ABR: variants seen among roughly 807,000 people sequenced by gnomAD.
ABR encodes the protein ABR activator of RhoGEF and GTPase, also known as active breakpoint cluster region-related protein.
A neutral mutation model predicts 107.2 loss-of-function variants in ABR; 35 were observed. The observed-to-expected ratio is 0.33, with a 90% CI of 0.25 to 0.43. The LOEUF (loss-of-function observed/expected upper bound fraction) is 0.43. Among genes scored for constraint, ABR ranks in the 20% least tolerant of loss-of-function variants. The pLI, the probability that ABR is intolerant of heterozygous loss-of-function variation, is 1.00. For missense variants in ABR, 815 were observed against 1,115.2 expected, an observed-to-expected ratio of 0.73 and a Z score of 3.83; for synonymous variants, 498 against 462.0, an observed-to-expected ratio of 1.08 and a Z score of -1.00.
chr17:1,069,353 A>G (rs2035023643), intron 9 of ABR, among the ~76,000 whole-genome samples: 2 of 152,188 alleles, frequency 1.3e-5, no homozygotes, highest in Admixed American at 1.3e-4. Context: ...AATTAAGTTA[A>G]TTAATATAGT....
At chr17:1,102,859 C>T (rs985243752) in intron 2 of ABR, among the ~76,000 whole-genome samples, 14 of 152,050 alleles carry the variant, frequency 9.2e-5, no homozygotes, top group African/African-American at 2.9e-4. Context: ...TACAGGCGTC[C>T]ACCATCACAC....
chr17:1,081,787 G>C (rs1050142872), intron 5 of ABR, among the ~76,000 whole-genome samples: 2 of 151,620 alleles, frequency 1.3e-5, no homozygotes, highest in Non-Finnish European at 2.9e-5. Flanking sequence ...ACGTTGGCCA[G>C]GCTGGTCTCA....
rs539968661 is a variant in ABR at position 1,216,146 on chromosome 17, C to G, written c.838+12647G>C. Among the ~76,000 whole-genome samples, 671 of 151,798 alleles carry G rather than the reference C, an allele frequency of 4.4e-3. 4 individuals are homozygous for G. The highest frequency in any genetic ancestry group is 0.015 in the East Asian group (79 of 5,148). ...CTATGACCCTGCCAAATCCCCCTCTCCGAGAAACACCCAAGAATGATCAAT... is the reference window on the plus strand; with the variant it reads ...CTATGACCCTGCCAAATCCCCCTCTGCGAGAAACACCCAAGAATGATCAAT... On this transcript the variant is annotated intron_variant, in intron 1 of 22. Transcript: ENST00000574139.
intron 1 of ABR, among the ~76,000 whole-genome samples, chr17:1,137,751 C>A (rs1290253415): frequency 6.6e-6 from 1 of 152,164 alleles, no homozygotes; most frequent in Non-Finnish European, 1.5e-5. Context: ...CATGGAGGTG[C>A]CGTAAAGCGA....
intron 16 of ABR, chr17:1,031,794 G>A: frequency 8.1e-7 from 1 of 1,229,834 alleles, no homozygotes; most frequent in South Asian, 4.1e-5. Flanking sequence ...GGAGCGCTCA[G>A]TCCCGGCTGC....
At chr17:1,161,752 A>T (rs535949465) in intron 1 of ABR, among the ~76,000 whole-genome samples, 34 of 151,564 alleles carry the variant, frequency 2.2e-4, no homozygotes, top group African/African-American at 8.0e-4. Context: ...ACAGGGTTTC[A>T]CCATGTTGGC....
intron 1 of ABR, among the ~76,000 whole-genome samples, chr17:1,186,057 G>A (rs1034464537): frequency 3.0e-4 from 45 of 152,088 alleles, no homozygotes; most frequent in Admixed American, 2.5e-3. Flanking sequence ...GGCTGGTCTC[G>A]AACTCCCAAC....
intron 16 of ABR, among the ~76,000 whole-genome samples, chr17:1,025,554 G>A (rs998730927): frequency 1.1e-4 from 16 of 152,220 alleles, no homozygotes; most frequent in African/African-American, 3.1e-4. Context: ...CCCACGTAAC[G>A]CCCCACACTG....
At chr17:1,048,771 CGCCTGGATCACGTCCGG>C (rs2032048325) in intron 16 of ABR, among the ~76,000 whole-genome samples, 1 of 144,974 alleles carries the variant, frequency 6.9e-6, no homozygotes, top group African/African-American at 2.8e-5. Context: ...CGCCCAGCTG[CGCCTGGATCACGTCCGG>C]GGCCACGGTC....
chr17:1,194,337 G>A (rs935970542), intron 1 of ABR, among the ~76,000 whole-genome samples: 6 of 151,540 alleles, frequency 4.0e-5, no homozygotes, highest in South Asian at 2.1e-4. Flanking sequence ...ACAGGTACAC[G>A]CCACCACGCC....
chr17:1,103,747 G>A lies in ABR; in HGVS notation c.247-3012C>T, dbSNP rs143853516. On this transcript the variant is annotated intron_variant, in intron 2 of 22. Transcript: ENST00000302538. ...GAGTCCTGCTCTGGGCCCCGTTCAC[G>A]CTGCAGTTTTGGCTGAGATTGGAGC... Among the ~76,000 whole-genome samples, 598 of 152,300 alleles carry A rather than the reference G, an allele frequency of 3.9e-3. 6 individuals carry two copies. Among genetic ancestry groups the A allele is most frequent in the African/African-American group, 0.014 (566 of 41,558 alleles).
At chr17:1,031,454 C>T (rs1221144819) in intron 16 of ABR, 20 of 551,268 alleles carry the variant, frequency 3.6e-5, no homozygotes, top group Non-Finnish European at 5.2e-5. Flanking sequence ...CTTAGAGGGA[C>T]GCGCACAGAC....
chr17:1,134,033 A>C (rs1187371531), intron 1 of ABR, among the ~76,000 whole-genome samples: 1 of 152,188 alleles, frequency 6.6e-6, no homozygotes, highest in Non-Finnish European at 1.5e-5. Context: ...TCATCCCAGC[A>C]ATTTGGGAGG....
chr17:1,113,131 A>G (rs2151404483), intron 2 of ABR, among the ~76,000 whole-genome samples: 1 of 152,264 alleles, frequency 6.6e-6, no homozygotes, highest in South Asian at 2.1e-4. Context: ...CGGAGCTGAC[A>G]GTCTCAGGGA....
intron 2 of ABR, among the ~76,000 whole-genome samples, chr17:1,120,746 G>A (rs2039310045): frequency 6.6e-6 from 1 of 152,200 alleles, no homozygotes; most frequent in African/African-American, 2.4e-5. Flanking sequence ...CAGGAGGGAG[G>A]AAATTCTCAG....
chr17:1,192,253 A>G (rs924634758), upstream of ABR, among the ~76,000 whole-genome samples: 24 of 152,176 alleles, frequency 1.6e-4, no homozygotes, highest in Admixed American at 4.6e-4. Context: ...CTGGGATTAC[A>G]GGCATGAGCC....
chr17:1,159,489 G>A (rs1302353980), intron 1 of ABR, among the ~76,000 whole-genome samples: 24 of 81,586 alleles, frequency 2.9e-4, no homozygotes, highest in African/African-American at 1.1e-3. Flanking sequence ...CACGCACAAG[G>A]GAAGTATGCG....
chr17:1,207,983 A>C (rs1029722213), intron 1 of ABR, among the ~76,000 whole-genome samples: 10 of 151,864 alleles, frequency 6.6e-5, no homozygotes, highest in Non-Finnish European at 1.3e-4. Context: ...GTTGGCCAGG[A>C]TGGTCTCAAA....
intron 1 of ABR, among the ~76,000 whole-genome samples, chr17:1,136,977 C>T (rs1198097337): frequency 1.3e-5 from 2 of 149,000 alleles, no homozygotes; most frequent in Middle Eastern, 3.4e-3. Flanking sequence ...TGGCTTTCAA[C>T]AAGCCTTCCT....
Sources: allele counts gnomAD v4.1 joint callset (sites outside exome capture counted in the v4.1 genomes callset), GRCh38; gene constraint gnomAD v4.1.1; transcripts MANE v1.5; gene names NCBI Gene and HGNC (gene_info 2026-07-23, HGNC 2026-07-21).